EXOSC10: variants seen among roughly 807,000 people sequenced by gnomAD.
The protein encoded by EXOSC10 is exosome component 10, also known as exosome complex component 10.
In EXOSC10, 94 loss-of-function variants were observed where a neutral mutation model predicts 126.6. That is an observed-to-expected ratio of 0.74 (90% CI 0.63 to 0.88). The LOEUF (loss-of-function observed/expected upper bound fraction) is 0.88. Among genes scored for constraint, EXOSC10 ranks in the 40% least tolerant of loss-of-function variants. EXOSC10 has a pLI of 0.00. For missense variants in EXOSC10, 1,041 were observed against 1,100.5 expected (o/e 0.95, Z 0.77); for synonymous variants, 395 against 400.8 (o/e 0.99, Z 0.17).
intron 14 of EXOSC10, among the ~76,000 whole-genome samples, chr1:11,078,552 C>T (rs905994974): frequency 1.8e-4 from 27 of 152,084 alleles, no homozygotes; most frequent in African/African-American, 4.3e-4. Flanking sequence ...CCACCGCGCC[C>T]GGCTGACCCT....
intron 6 of EXOSC10, among the ~76,000 whole-genome samples, chr1:11,089,636 A>T (rs923369205): frequency 4.8e-5 from 7 of 147,156 alleles, no homozygotes; most frequent in Non-Finnish European, 1.0e-4. Flanking sequence ...AAAAAAAAAA[A>T]GAAAGAAAGA....
At chr1:11,083,215 C>G (rs988626757) in intron 9 of EXOSC10, among the ~76,000 whole-genome samples, 3 of 152,182 alleles carry the variant, frequency 2.0e-5, no homozygotes, top group African/African-American at 7.2e-5. Flanking sequence ...CCCCAAAATG[C>G]TGGGATTACA....
chr1:11,077,046 C>A, intron 16 of EXOSC10, 98 bp from the exon 17 acceptor site: 1 of 864,172 alleles, frequency 1.2e-6, no homozygotes, highest in Non-Finnish European at 1.9e-6. Flanking sequence ...GGCTGGAGTA[C>A]AATGGCACAA....
chr1:11,087,339 G>C (rs1640550825), intron 9 of EXOSC10, 109 bp downstream of exon 9: 12 of 1,319,566 alleles, frequency 9.1e-6, no homozygotes, highest in Middle Eastern at 1.9e-4. Context: ...GAAATGACAT[G>C]ATTCCTCCCA....
At chr1:11,075,058 A>C (rs1172956745) in intron 17 of EXOSC10, among the ~76,000 whole-genome samples, 1 of 152,034 alleles carries the variant, frequency 6.6e-6, no homozygotes, top group Non-Finnish European at 1.5e-5. Flanking sequence ...TTTTGAGTGG[A>C]GTCTTGCTCT....
intron 23 of EXOSC10, chr1:11,068,378 C>G (rs1639238917): frequency 1.7e-6 from 1 of 591,562 alleles, no homozygotes; most frequent in African/African-American, 1.9e-5. Flanking sequence ...GTGCTGGCCC[C>G]AAAGGGGGTG....
rs753900558 is a variant in EXOSC10 at position 11,066,713 on chromosome 1, C to T, written c.*5G>A. 1.2e-6 allele frequency: 2 copies of T among 1,614,194 alleles called. No individual in the cohort carries two copies. The highest frequency in any genetic ancestry group is 1.7e-6 in the Non-Finnish European group (2 of 1,180,016). ...CGGTCCACAGGCGCCACGTGTCTTC[C>T]AGGACTATCTCTGTGGCCAGTTGTA... On this transcript the variant is annotated 3_prime_UTR_variant, in exon 25 of 25. Coordinates refer to ENST00000376936, the MANE Select transcript of EXOSC10 (RefSeq NM_001001998.3).
intron 1 of EXOSC10, 57 bp from the exon 2 acceptor site, chr1:11,098,213 T>C: frequency 6.5e-7 from 1 of 1,543,558 alleles, no homozygotes; most frequent in Non-Finnish European, 8.7e-7. Flanking sequence ...TCATTTGGTA[T>C]GTCATTTTTT....
At chr1:11,081,617 T>G (rs893749225) in intron 10 of EXOSC10, among the ~76,000 whole-genome samples, 2 of 152,210 alleles carry the variant, frequency 1.3e-5, no homozygotes, top group African/African-American at 4.8e-5. Flanking sequence ...AACCAGGTAC[T>G]TCATAGGCTG....
chr1:11,080,566 ACACACACACACACACACACAC>A lies in EXOSC10; in HGVS notation c.1587-38_1587-18del. 3 of 1,183,192 alleles carry A rather than the reference ACACACACACACACACACACAC, an allele frequency of 2.5e-6. No individual in the cohort carries two copies. The highest frequency in any genetic ancestry group is 2.9e-5 in the East Asian group (1 of 34,450). The allele number at this position is 1,183,192 out of a possible 1,614,324, so 73.3% of individuals were successfully genotyped here. ...AGTACATATCTGGAAAAAAAAAAAC[ACACACACACACACACACACAC>A]ACACACACACACACACACGGTGGGG... On this transcript the variant is annotated intron_variant, in intron 12 of 24. Coordinates refer to ENST00000376936, the MANE Select transcript of EXOSC10 (RefSeq NM_001001998.3).
chr1:11,076,810 C>T, intron 17 of EXOSC10, 32 bp downstream of exon 17: 1 of 1,511,708 alleles, frequency 6.6e-7, no homozygotes, highest in Non-Finnish European at 9.2e-7. Context: ...AGGGGGTCCT[C>T]ATCACCTCAG....
intron 9 of EXOSC10, among the ~76,000 whole-genome samples, chr1:11,087,057 G>C (rs149510170): frequency 6.6e-6 from 1 of 152,198 alleles, no homozygotes; most frequent in Non-Finnish European, 1.5e-5. Context: ...GATATATGCA[G>C]TTTTAAATGT....
rs780542751 is a variant in EXOSC10, at chr1:11,077,541, T to TG, written c.1800+59dup. 5.6e-6 allele frequency: 9 copies of TG among 1,608,210 alleles called. No homozygotes were observed. The African/African-American group carries it at 1.2e-4, about 21-fold the overall frequency. ...CACAGGCCTCTGTCAGAGGTGTACT[T>TG]GCACTGGCTGTGACTTGACGTTTTC... On this transcript the variant is annotated intron_variant, in intron 15 of 24. Transcript: ENST00000376936.
At position 11,087,569 on chromosome 1, in the gene EXOSC10, A is replaced by G. The variant is rs1325718295; in HGVS notation, c.968T>C (p.Leu323Pro). The change falls in exon 9 of 25, where the codon CTG becomes CCG. Residue 323 changes from leucine to proline, a missense_variant. Transcript: ENST00000376936. Reference sequence around the variant, plus strand: ...AATTTGCATCAGGCAGGTCAGTCCCAGGAAGCTCCTGTAAGAGTGGTGCTA... The same window carrying G: ...AATTTGCATCAGGCAGGTCAGTCCCGGGAAGCTCCTGTAAGAGTGGTGCTA... The part of the protein sequence containing the change: ...DLEHHSYRSF[L>P]GLTCLMQIST... 3 of 1,614,038 alleles carry G rather than the reference A, an allele frequency of 1.9e-6. No homozygotes were observed. The highest frequency in any genetic ancestry group is 2.5e-6 in the Non-Finnish European group (3 of 1,180,038).
intron 5 of EXOSC10, 104 bp downstream of exon 5, chr1:11,090,910 A>G (rs1323758289): frequency 8.4e-7 from 1 of 1,189,048 alleles, no homozygotes; most frequent in Non-Finnish European, 1.2e-6. Context: ...TGAACAAAGG[A>G]GGGTGGGCTC....
chr1:11,072,461 A>T (rs1639562402), intron 19 of EXOSC10: 1 of 300,086 alleles, frequency 3.3e-6, no homozygotes, highest in Admixed American at 4.8e-5. Context: ...CTCTTTAGAG[A>T]TGAGCAAACA....
intron 24 of EXOSC10, among the ~76,000 whole-genome samples, chr1:11,067,168 ACG>A (rs1639142920): frequency 6.6e-6 from 1 of 152,200 alleles, no homozygotes. Context: ...GCGGTGGCTC[ACG>A]CCTGTAACCC....
intron 9 of EXOSC10, 24 bp downstream of exon 9, chr1:11,087,424 A>C: frequency 1.2e-6 from 2 of 1,613,840 alleles, no homozygotes; most frequent in Non-Finnish European, 1.7e-6. Context: ...GCTCACATGC[A>C]TGAGTTACAA....
chr1:11,067,376 G>A (rs1237175231), intron 24 of EXOSC10, among the ~76,000 whole-genome samples: 1 of 151,690 alleles, frequency 6.6e-6, no homozygotes, highest in Non-Finnish European at 1.5e-5. Context: ...AGCTTGCAGT[G>A]AGCAGAGATC....
Sources: gnomAD v4.1 joint callset for allele counts (sites outside exome capture counted in the v4.1 genomes callset) on GRCh38, gnomAD v4.1.1 for gene constraint, MANE v1.5 for transcripts, NCBI Gene and HGNC (gene_info 2026-07-23, HGNC 2026-07-21) for gene names.